The following MKLN1 variants were observed in gnomAD, a reference collection of about 807,000 sequenced individuals.
The protein encoded by MKLN1 is muskelin.
A neutral mutation model predicts 99.0 loss-of-function variants in MKLN1; 18 were observed. The ratio of observed to expected loss-of-function variants is 0.18; its 90% confidence interval spans 0.13 to 0.27. MKLN1 has a LOEUF of 0.27. Among genes scored for constraint, MKLN1 ranks in the 10% least tolerant of loss-of-function variants. MKLN1 has a pLI of 1.00. For missense variants in MKLN1, 621 were observed against 875.9 expected, an observed-to-expected ratio of 0.71 and a Z score of 3.67; for synonymous variants, 288 against 293.2, an observed-to-expected ratio of 0.98 and a Z score of 0.18.
At chr7:131,467,694 G>A (rs1796700015) in intron 15 of MKLN1, among the ~76,000 whole-genome samples, 2 of 152,184 alleles carry the variant, frequency 1.3e-5, no homozygotes, top group Non-Finnish European at 2.9e-5. Context: ...GGGACAGCTT[G>A]TAAAGGGCCG....
At chr7:131,237,170 T>C (rs559165138) in intron 3 of MKLN1, among the ~76,000 whole-genome samples, 1 of 152,226 alleles carries the variant, frequency 6.6e-6, no homozygotes, top group Non-Finnish European at 1.5e-5. Context: ...TATCACACAA[T>C]GTCCAGATAC....
chr7:131,173,690 A>G (rs1298267060), intron 2 of MKLN1, among the ~76,000 whole-genome samples: 3 of 152,036 alleles, frequency 2.0e-5, no homozygotes, highest in Non-Finnish European at 4.4e-5. Flanking sequence ...TTGCATTCCA[A>G]CCTGGGTCAT....
intron 3 of MKLN1, among the ~76,000 whole-genome samples, chr7:131,298,150 A>G (rs1798322382): frequency 6.6e-6 from 1 of 152,170 alleles, no homozygotes; most frequent in Admixed American, 6.5e-5. Flanking sequence ...AGGCGCCTGT[A>G]GTCCCAGATA....
In MKLN1 at chr7:131,466,399, C is replaced by T; in HGVS notation, c.1912C>T (p.Leu638Phe). The stretch of plus-strand genomic sequence containing the variant: ...TTATTTACTGAGGCATTGCAAGTAC[C>T]TCATAAGAAAACACAGGTATGAAAA... The part of the protein sequence containing the change: ...KDYLLRHCKY[L>F]IRKHRFEEKA... The change falls in exon 15 of 18, where the codon CTC becomes TTC. Residue 638 changes from leucine (L) to phenylalanine (F), a missense_variant. Leu to Phe is a conservative substitution (Grantham distance 22, BLOSUM62 0). Transcript: ENST00000352689. 1.3e-6 allele frequency: 2 copies of T among 1,583,770 alleles called. No individual in the cohort carries two copies. Among genetic ancestry groups the T allele is most frequent in the South Asian group, 1.2e-5 (1 of 86,450 alleles).
At chr7:131,468,175 T>C (rs1226235767) in intron 15 of MKLN1, among the ~76,000 whole-genome samples, 2 of 152,210 alleles carry the variant, frequency 1.3e-5, no homozygotes, top group Admixed American at 6.5e-5. Flanking sequence ...GGATTTGATA[T>C]GGGTATGAGA....
intron 2 of MKLN1, among the ~76,000 whole-genome samples, chr7:131,146,371 G>T (rs966179991): frequency 6.6e-6 from 1 of 152,098 alleles, no homozygotes; most frequent in Non-Finnish European, 1.5e-5. Context: ...TAAAAGTAAA[G>T]TATAAGGACT....
chr7:131,151,347 T>C (rs886838157), intron 2 of MKLN1, among the ~76,000 whole-genome samples: 1 of 152,196 alleles, frequency 6.6e-6, no homozygotes, highest in African/African-American at 2.4e-5. Flanking sequence ...GGTGCTGGAT[T>C]TCAGCACAAA....
At chr7:131,129,388 A>G (rs566614891) in intron 1 of MKLN1, among the ~76,000 whole-genome samples, 1 of 152,348 alleles carries the variant, frequency 6.6e-6, no homozygotes, top group South Asian at 2.1e-4. Flanking sequence ...AAATAACTAC[A>G]GGTACTAAGA....
chr7:131,214,620 C>A (rs2116439610), intron 3 of MKLN1, among the ~76,000 whole-genome samples: 1 of 152,314 alleles, frequency 6.6e-6, no homozygotes, highest in South Asian at 2.1e-4. Context: ...AGCCTGTAAT[C>A]TGAAATAATA....
chr7:131,141,356 T>C (rs1795729878), intron 1 of MKLN1, among the ~76,000 whole-genome samples: 1 of 152,238 alleles, frequency 6.6e-6, no homozygotes, highest in African/African-American at 2.4e-5. Context: ...ATATTTTTGC[T>C]GTCTTAGTGA....
intron 3 of MKLN1, among the ~76,000 whole-genome samples, chr7:131,286,359 GC>G (rs1236775022): frequency 6.6e-6 from 1 of 152,132 alleles, no homozygotes; most frequent in Non-Finnish European, 1.5e-5. Context: ...ATTATCCCCT[GC>G]CTTTTCCTTT....
At chr7:131,439,713 A>G (rs1359173666) in intron 10 of MKLN1, among the ~76,000 whole-genome samples, 1 of 152,176 alleles carries the variant, frequency 6.6e-6, no homozygotes, top group African/African-American at 2.4e-5. Flanking sequence ...CTTAAAAGCT[A>G]TTTGCCATTT....
chr7:131,427,277 T>C (rs1795384664), intron 8 of MKLN1, among the ~76,000 whole-genome samples: 1 of 152,210 alleles, frequency 6.6e-6, no homozygotes, highest in Non-Finnish European at 1.5e-5. Context: ...TTGTAGAAGA[T>C]AGCCTAACTC....
intron 3 of MKLN1, among the ~76,000 whole-genome samples, chr7:131,221,041 A>G (rs1483437202): frequency 6.6e-6 from 1 of 152,176 alleles, no homozygotes; most frequent in Non-Finnish European, 1.5e-5. Context: ...CTTTTCTCCC[A>G]TGTTAATCCA....
chr7:131,343,522 C>G (rs1164038489), intron 1 of MKLN1, among the ~76,000 whole-genome samples: 1 of 152,164 alleles, frequency 6.6e-6, no homozygotes, highest in African/African-American at 2.4e-5. Flanking sequence ...TCACTTGCCA[C>G]TTTCCTCTCT....
At chr7:131,433,158 T>A (rs58271655) in intron 9 of MKLN1, among the ~76,000 whole-genome samples, 4,639 of 152,272 alleles carry the variant, frequency 0.03, 213 homozygotes, top group African/African-American at 0.1. Context: ...TTAGTCATCT[T>A]TAGTCTAGAA....
At chr7:131,436,001 A>T (rs1259425727) in intron 9 of MKLN1, among the ~76,000 whole-genome samples, 1 of 151,912 alleles carries the variant, frequency 6.6e-6, no homozygotes, top group African/African-American at 2.4e-5. Context: ...CAAGTTTTAC[A>T]CTCTATGCAT....
chr7:131,428,165 A>AAAAT (rs903170892), intron 8 of MKLN1, among the ~76,000 whole-genome samples: 80 of 152,212 alleles, frequency 5.3e-4, no homozygotes, highest in African/African-American at 1.6e-3. Context: ...ACCGTGTCTC[A>AAAAT]AAATAAATAA....
chr7:131,172,385 G>A (rs1472857216), intron 2 of MKLN1, among the ~76,000 whole-genome samples: 1 of 151,638 alleles, frequency 6.6e-6, no homozygotes, highest in African/African-American at 2.4e-5. Context: ...GCGTGATCTC[G>A]GCTCACTGGA....
Sources: gnomAD v4.1 joint callset for allele counts (sites outside exome capture counted in the v4.1 genomes callset) on GRCh38, gnomAD v4.1.1 for gene constraint, MANE v1.5 for transcripts, NCBI Gene and HGNC (gene_info 2026-07-23, HGNC 2026-07-21) for gene names.